Variants in FBXO38 observed in about 807,000 individuals in gnomAD.
FBXO38 encodes the protein F-box protein 38.
In FBXO38, 53 loss-of-function variants were observed where a neutral mutation model predicts 131.9. That is an observed-to-expected ratio of 0.40 (90% confidence interval 0.32 to 0.51). The LOEUF (loss-of-function observed/expected upper bound fraction) is 0.51, where lower values mean the gene tolerates loss of function less well. Ranked by LOEUF, FBXO38 falls within the 20% of genes least tolerant of loss-of-function variation. The pLI is 0.53. For synonymous variants in FBXO38, 452 were observed against 505.6 expected (o/e 0.89, Z 1.42); for missense variants, 1,076 against 1,475.6 (o/e 0.73, Z 4.44).
Position 148,416,025 on chromosome 5 carries a change from C to T in FBXO38, c.1362C>T (p.Ser454=). 1 of 1,612,298 alleles carries T rather than the reference C, an allele frequency of 6.2e-7. No homozygotes were observed. The highest frequency in any genetic ancestry group is 1.1e-5 in the South Asian group (1 of 90,848). ...SFGQFIELLP[S]LEFISLDQMF... is the part of the protein sequence containing the mutation. ...GCCAGTTTATTGAATTATTACCCAGCCTAGAGTTTATTTCACTGGATCAGA... is the reference window on the plus strand; with the variant it reads ...GCCAGTTTATTGAATTATTACCCAGTCTAGAGTTTATTTCACTGGATCAGA... Residue 454 remains serine (S), a synonymous_variant, in exon 11 of 22, where the codon AGC becomes AGT. Transcript: ENST00000340253.
intron 12 of FBXO38, among the ~76,000 whole-genome samples, chr5:148,422,049 T>C (rs560703502): frequency 1.5e-3 from 226 of 146,484 alleles, no homozygotes; most frequent in Admixed American, 5.7e-3. Context: ...ACCTTTCTCT[T>C]TTTTTTTTTT....
At chr5:148,388,640 TTTC>T (rs1212815276) in intron 1 of FBXO38, among the ~76,000 whole-genome samples, 1 of 152,200 alleles carries the variant, frequency 6.6e-6, no homozygotes, top group African/African-American at 2.4e-5. Context: ...GCTTTCAACT[TTTC>T]TTCTAAAACT....
At position 148,404,736 on chromosome 5, in the gene FBXO38, T is replaced by G; in HGVS notation, c.644T>G (p.Met215Arg). 6.2e-7 allele frequency: 1 copy of G among 1,605,184 alleles called. No homozygotes were observed. Among genetic ancestry groups the G allele is most frequent in the Non-Finnish European group, 8.5e-7 (1 of 1,177,160 alleles). ...PCIPMLRHLY[M>R]KWVRLTKPQP... ...ATCCCAATGCTAAGGCACCTTTATA[T>G]GAAGTGGGTAAGACTCACTAAACCA... Residue 215 changes from methionine (M) to arginine (R), a missense_variant, in exon 6 of 22, where the codon ATG becomes AGG. Met to Arg is a moderately conservative substitution (Grantham distance 91, BLOSUM62 -1). This residue lies in a region of FBXO38 where 66 missense variants were observed against 72.4 expected (regional missense o/e 0.91). Coordinates refer to ENST00000340253, the MANE Select transcript of FBXO38 (RefSeq NM_205836.3).
chr5:148,396,278 A>G (rs1758474501), intron 2 of FBXO38, among the ~76,000 whole-genome samples: 1 of 152,216 alleles, frequency 6.6e-6, no homozygotes, highest in Admixed American at 6.5e-5. Flanking sequence ...AGAGTCTTGC[A>G]ACTACCAGAT....
intron 12 of FBXO38, among the ~76,000 whole-genome samples, chr5:148,419,171 C>T (rs899348507): frequency 6.6e-5 from 10 of 152,136 alleles, no homozygotes; most frequent in African/African-American, 1.2e-4. Flanking sequence ...TAAAGCAATA[C>T]GTAAATGCCA....
intron 1 of FBXO38, among the ~76,000 whole-genome samples, chr5:148,387,947 C>T (rs1303482826): frequency 6.6e-6 from 1 of 152,096 alleles, no homozygotes; most frequent in Non-Finnish European, 1.5e-5. Context: ...GCCTCGGCCT[C>T]CCAAAGTGCT....
At chr5:148,397,515 G>A (rs927892534) in intron 2 of FBXO38, 1 of 152,140 alleles carries the variant, frequency 6.6e-6, no homozygotes, top group Non-Finnish European at 1.5e-5. Context: ...GTGTTGTCAT[G>A]TTTCTGAAAA....
At chr5:148,434,431 C>T (rs1215217803) in intron 17 of FBXO38, 1 of 152,034 alleles carries the variant, frequency 6.6e-6, no homozygotes, top group Non-Finnish European at 1.5e-5. Flanking sequence ...TTTTAGATAT[C>T]CATCCATGTA....
rs1456671567 is a variant in FBXO38 at position 148,410,674 on chromosome 5, T to C, written c.1002T>C (p.Asp334=). 6 of 1,613,986 alleles carry C rather than the reference T, an allele frequency of 3.7e-6. No homozygotes were observed. Among genetic ancestry groups the C allele is most frequent in the Middle Eastern group, 3.3e-4 (2 of 6,082 alleles). ...GGATCCAGCCTTCCCTAACCAAAGA[T>C]GGTGTCTTTTCTGCCCTAAAGATGG... ...EVRIQPSLTK[D]GVFSALKMAE... Residue 334 remains aspartate, a synonymous_variant, in exon 9 of 22, where the codon GAT becomes GAC. Transcript: ENST00000340253.
In FBXO38 at chr5:148,439,927, C is replaced by CGTAAGTAAGTAA. The variant is rs1387284565; in HGVS notation, c.3170+144_3170+145insTAAGTAAGTAAG. 3 of 830,248 alleles carry CGTAAGTAAGTAA rather than the reference C, an allele frequency of 3.6e-6. No individual in the cohort carries two copies. In the East Asian group the frequency reaches 7.9e-5, roughly 22 times the overall value. 51.4% of individuals were successfully genotyped at this position (830,248 alleles called of 1,614,324 possible). A position where few individuals can be genotyped will look rare whatever the true frequency, so the allele number is the denominator to read the frequency against. On this transcript the variant is annotated intron_variant, in intron 19 of 21. Transcript: ENST00000340253. ...TCAAACAAGCTTATCCTGAAGTTAA[C>CGTAAGTAAGTAA]GTAAGTAAGAAACTGAGGGAAATGA...
intron 1 of FBXO38, among the ~76,000 whole-genome samples, chr5:148,389,335 C>T (rs1758075695): frequency 6.6e-6 from 1 of 152,218 alleles, no homozygotes; most frequent in South Asian, 2.1e-4. Flanking sequence ...CACCAATAAA[C>T]TTGCCTGACG....
chr5:148,434,335 A>G (rs762284438), intron 17 of FBXO38: 2 of 152,150 alleles, frequency 1.3e-5, no homozygotes, highest in Non-Finnish European at 1.5e-5. Flanking sequence ...AACATAGGGC[A>G]TTAGTTTTGT....
chr5:148,422,901 C>A (rs907084643), intron 12 of FBXO38, among the ~76,000 whole-genome samples: 2 of 152,150 alleles, frequency 1.3e-5, no homozygotes, highest in East Asian at 1.9e-4. Context: ...CCCAGGCTAC[C>A]TTTTCAGCCT....
At position 148,441,246 on chromosome 5, in the gene FBXO38, G is replaced by T; in HGVS notation, c.3388+9G>T. 6.3e-7 allele frequency: 1 copy of T among 1,580,342 alleles called. No individual in the cohort carries two copies. Among genetic ancestry groups the T allele is most frequent in the African/African-American group, 1.3e-5 (1 of 74,228 alleles). ...TGAAGACGATGAAGAAAGTAATTATGACCTGACTTGACATCTATTCTCTAG... is the reference window on the plus strand; with the variant it reads ...TGAAGACGATGAAGAAAGTAATTATTACCTGACTTGACATCTATTCTCTAG... On this transcript the variant is annotated intron_variant, in intron 21 of 21. Coordinates refer to ENST00000340253, the MANE Select transcript of FBXO38 (RefSeq NM_205836.3).
intron 1 of FBXO38, among the ~76,000 whole-genome samples, chr5:148,385,541 C>T (rs576137136): frequency 3.2e-4 from 49 of 152,338 alleles, no homozygotes; most frequent in African/African-American, 1.0e-3. Flanking sequence ...CTCTAGGCCT[C>T]ACTTTCCTTA....
chr5:148,428,590 T>C lies in FBXO38; in HGVS notation c.2653+643T>C, dbSNP rs1389727769. Among the ~76,000 whole-genome samples the C allele has an allele frequency of 2.0e-5, 3 of 152,356 alleles. No homozygotes were observed. The East Asian group carries it at 5.8e-4, about 29-fold the overall frequency. On this transcript the variant is annotated intron_variant, in intron 15 of 21. Transcript: ENST00000340253. ...TTATTAATCATAAGTCTGTTACTGT[T>C]TCTGACCTTATTTTTAAGTACTCTT...
rs1447425253 is a variant in FBXO38, at chr5:148,409,217, G to A, written c.962G>A (p.Arg321Lys). The A allele has an allele frequency of 6.3e-7, 1 of 1,579,912 alleles. No homozygotes were observed. Among genetic ancestry groups the A allele is most frequent in the Non-Finnish European group, 8.7e-7 (1 of 1,149,240 alleles). Residue 321 changes from arginine to lysine, a missense_variant and splice_region_variant, in exon 8 of 22, where the codon AGG becomes AAG. This residue lies in a region of FBXO38 where 146 missense variants were observed against 274.3 expected (regional missense o/e 0.53). Coordinates refer to ENST00000340253, the MANE Select transcript of FBXO38 (RefSeq NM_205836.3). ...LGYLIITAAR[R>K]LHEVRIQPSL... Reference sequence around the variant, plus strand: ...TACCTCATCATTACTGCTGCCCGTAGGTATGTTTCCTCTTTGTATTGTGTC... The same window carrying A: ...TACCTCATCATTACTGCTGCCCGTAAGTATGTTTCCTCTTTGTATTGTGTC...
chr5:148,409,165 A>T lies in FBXO38; in HGVS notation c.910A>T (p.Lys304Ter). The change falls in exon 8 of 22, where the codon AAA becomes TAA. Residue 304 changes from lysine to a stop codon, truncating the protein, a stop_gained. Transcript: ENST00000340253. LOFTEE classifies it high-confidence loss of function. ...NLHTIVLGACKNALEVDLGYL... is the reference protein window; with the variant it reads ...NLHTIVLGAC ...GCACACTATTGTTCTGGGAGCTTGC[A>T]AAAATGCTCTTGAAGTAGATCTTGG... 1 of 1,613,586 alleles carries T rather than the reference A, an allele frequency of 6.2e-7. No individual in the cohort carries two copies. The highest frequency in any genetic ancestry group is 8.5e-7 in the Non-Finnish European group (1 of 1,179,596).
At chr5:148,420,877 C>T (rs1253650282) in intron 12 of FBXO38, among the ~76,000 whole-genome samples, 1 of 151,862 alleles carries the variant, frequency 6.6e-6, no homozygotes, top group Non-Finnish European at 1.5e-5. Context: ...CAGGCGGTCT[C>T]AACTCCTGGG....
Sources: allele counts gnomAD v4.1 joint callset (sites outside exome capture counted in the v4.1 genomes callset), GRCh38; gene constraint gnomAD v4.1.1; regional missense constraint gnomAD v4.1.1; transcripts MANE v1.5; gene names NCBI Gene and HGNC (gene_info 2026-07-23, HGNC 2026-07-21).